Variants in SPMIP7 observed in about 807,000 individuals in gnomAD.
The protein encoded by SPMIP7 is protein SPMIP7.
chr7:50,129,555 G>A, the SPMIP7 span, among the ~76,000 whole-genome samples: 8 of 151,950 alleles, frequency 5.3e-5, no homozygotes, highest in Admixed American at 5.3e-4. Flanking sequence ...TCCTTAAACA[G>A]GAGAGGAAAA....
At chr7:50,158,964 G>A in the SPMIP7 span, 1 of 1,414,074 alleles carries the variant, frequency 7.1e-7, no homozygotes, top group African/African-American at 1.4e-5. Context: ...CCGCACAGGG[G>A]TATCATTAGT....
At chr7:50,107,912 G>A in the SPMIP7 span, among the ~76,000 whole-genome samples, 1 of 152,092 alleles carries the variant, frequency 6.6e-6, no homozygotes, top group Non-Finnish European at 1.5e-5. Flanking sequence ...CATAAGAATG[G>A]AAAAAGGAAA....
chr7:50,145,604 G>A, the SPMIP7 span, among the ~76,000 whole-genome samples: 8 of 50,820 alleles, frequency 1.6e-4, no homozygotes, highest in African/African-American at 4.7e-4. Context: ...GTGTGTGTGT[G>A]TGTATATGTG....
chr7:50,106,218 T>G, the SPMIP7 span, among the ~76,000 whole-genome samples: 1 of 152,194 alleles, frequency 6.6e-6, no homozygotes, highest in East Asian at 1.9e-4. Flanking sequence ...CTCTAAAATT[T>G]AAGCCTAGCA....
At chr7:50,096,019 T>C in the SPMIP7 span, 3 of 1,048,226 alleles carry the variant, frequency 2.9e-6, no homozygotes, top group East Asian at 5.3e-5. Flanking sequence ...ATAGAGTTTA[T>C]ATAGTTAAAT....
chr7:50,154,870 G>A, the SPMIP7 span, among the ~76,000 whole-genome samples: 45 of 152,176 alleles, frequency 3.0e-4, no homozygotes, highest in African/African-American at 9.1e-4. Context: ...ATTATCTCTT[G>A]TCTTTTTAAT....
the SPMIP7 span, among the ~76,000 whole-genome samples, chr7:50,123,537 T>C: frequency 6.7e-6 from 1 of 150,114 alleles, no homozygotes; most frequent in African/African-American, 2.4e-5. Flanking sequence ...ATGCACATTG[T>C]GCACATGTAC....
At chr7:50,145,618 GTATATATATATATATATATATATATATA>G in the SPMIP7 span, among the ~76,000 whole-genome samples, 13 of 27,700 alleles carry the variant, frequency 4.7e-4, 1 homozygote, top group East Asian at 0.015. Flanking sequence ...ATATGTGTGT[GTATATATATATATATATATATATATATA>G]TATATATATA....
At chr7:50,107,943 A>G in the SPMIP7 span, among the ~76,000 whole-genome samples, 1 of 152,244 alleles carries the variant, frequency 6.6e-6, no homozygotes, top group Non-Finnish European at 1.5e-5. Flanking sequence ...TTCATTTTTC[A>G]ACATAGTTTA....
chr7:50,122,630 A>C, the SPMIP7 span, among the ~76,000 whole-genome samples: 1 of 149,892 alleles, frequency 6.7e-6, no homozygotes, highest in African/African-American at 2.4e-5. Flanking sequence ...TGAACAGGCA[A>C]CCTACAAAAT....
chr7:50,101,985 G>A, the SPMIP7 span, among the ~76,000 whole-genome samples: 1 of 152,200 alleles, frequency 6.6e-6, no homozygotes, highest in East Asian at 1.9e-4. Flanking sequence ...GAAGTCTGGG[G>A]AACGTCATCT....
chr7:50,113,755 T>C, the SPMIP7 span, among the ~76,000 whole-genome samples: 1 of 152,048 alleles, frequency 6.6e-6, no homozygotes, highest in South Asian at 2.1e-4. Flanking sequence ...GAAAAAAGAT[T>C]GGTGACACAA....
the SPMIP7 span, among the ~76,000 whole-genome samples, chr7:50,110,806 TATATA>T: frequency 6.0e-5 from 8 of 132,398 alleles, no homozygotes; most frequent in African/African-American, 1.5e-4. Context: ...ATATCTAACA[TATATA>T]ATATAATATA....
chr7:50,102,963 T>TTA, the SPMIP7 span, among the ~76,000 whole-genome samples: 89 of 148,024 alleles, frequency 6.0e-4, no homozygotes, highest in African/African-American at 1.8e-3. Flanking sequence ...TATACATTAC[T>TTA]TATATATATA....
the SPMIP7 span, among the ~76,000 whole-genome samples, chr7:50,135,691 C>G: frequency 6.6e-6 from 1 of 152,170 alleles, no homozygotes; most frequent in African/African-American, 2.4e-5. Flanking sequence ...CAAAGTCCTT[C>G]TTGGGCCAGA....
chr7:50,123,567 T>TAATA, the SPMIP7 span, among the ~76,000 whole-genome samples: 43,058 of 146,196 alleles, frequency 0.29, 7,349 homozygotes, highest in Non-Finnish European at 0.4. Context: ...TAAAGTATAA[T>TAATA]AATAAATAAA....
chr7:50,135,284 G>T, the SPMIP7 span, among the ~76,000 whole-genome samples: 1 of 152,126 alleles, frequency 6.6e-6, no homozygotes, highest in African/African-American at 2.4e-5. Flanking sequence ...CACTTCTCAC[G>T]CGTAGGAGTC....
chr7:50,147,507 G>A, the SPMIP7 span, among the ~76,000 whole-genome samples: 1 of 152,164 alleles, frequency 6.6e-6, no homozygotes, highest in East Asian at 1.9e-4. Flanking sequence ...TTAAAAGGGT[G>A]CCTGGAATAT....
At chr7:50,157,464 C>A in the SPMIP7 span, among the ~76,000 whole-genome samples, 1 of 152,266 alleles carries the variant, frequency 6.6e-6, no homozygotes, top group East Asian at 1.9e-4. Context: ...CAGAATGTAA[C>A]CTTCACAGAA....
Sources: gnomAD v4.1 joint callset for allele counts (sites outside exome capture counted in the v4.1 genomes callset) on GRCh38, gnomAD v4.1.1 for gene constraint, MANE v1.5 for transcripts, NCBI Gene and HGNC (gene_info 2026-07-23, HGNC 2026-07-21) for gene names.